The following UPF3A variants were observed in gnomAD, a reference collection of about 807,000 sequenced individuals.
The protein encoded by UPF3A is UPF3A regulator of nonsense mediated mRNA decay, also known as regulator of nonsense transcripts 3A.
A neutral mutation model predicts 53.5 loss-of-function variants in UPF3A; 42 were observed. The ratio of observed to expected loss-of-function variants is 0.78; its 90% CI spans 0.61 to 1.01. The LOEUF is 1.01. Ranked by LOEUF, UPF3A falls within the 50% of genes least tolerant of loss-of-function variation. UPF3A has a pLI of 0.00. For synonymous variants in UPF3A, 237 were observed against 225.3 expected, an observed-to-expected ratio of 1.05 and a Z score of -0.47; for missense variants, 575 against 598.0, an observed-to-expected ratio of 0.96 and a Z score of 0.40.
chr13:114,294,284 T>C (rs1456472846), intron 7 of UPF3A, among the ~76,000 whole-genome samples: 1 of 123,400 alleles, frequency 8.1e-6, no homozygotes, highest in Non-Finnish European at 1.6e-5. Context: ...GGGGGGGGGG[T>C]TTGAGACAGG....
At chr13:114,300,255 T>G (rs993103857) in intron 8 of UPF3A, among the ~76,000 whole-genome samples, 50 of 152,384 alleles carry the variant, frequency 3.3e-4, no homozygotes, top group Admixed American at 3.3e-3. Context: ...AATTTTACTC[T>G]GCACATCATG....
At chr13:114,302,992 C>T (rs550540509) in intron 9 of UPF3A, among the ~76,000 whole-genome samples, 14 of 152,232 alleles carry the variant, frequency 9.2e-5, no homozygotes, top group African/African-American at 3.4e-4. Context: ...CCCAGCTACT[C>T]AGGAGGCTGA....
chr13:114,304,644 T>C, intron 9 of UPF3A, 145 bp from the exon 10 acceptor site: 1 of 1,086,194 alleles, frequency 9.2e-7, no homozygotes, highest in South Asian at 1.5e-5. Flanking sequence ...TCTGAGATAG[T>C]GCTGTGAAAA....
intron 7 of UPF3A, among the ~76,000 whole-genome samples, chr13:114,296,796 G>A (rs1361729008): frequency 5.3e-5 from 8 of 152,194 alleles, no homozygotes; most frequent in Admixed American, 5.2e-4. Flanking sequence ...CACGCAGCTG[G>A]TGTCGGAGGG....
rs900325394 is a variant in UPF3A at position 114,305,632 on chromosome 13, G to C, written c.*715G>C. 1.3e-5 allele frequency: 2 copies of C among 152,832 alleles called. No homozygotes were observed. The highest frequency in any genetic ancestry group is 4.8e-5 in the African/African-American group (2 of 41,440). 9.5% of individuals were successfully genotyped at this position (152,832 alleles called of 1,614,324 possible). The stretch of plus-strand genomic sequence containing the variant: ...ATTTTGTTCGGGAAGGGATAAACTA[G>C]ATATAGCATACAGAGCCTGTTTTTG... On this transcript the variant is annotated 3_prime_UTR_variant, in exon 10 of 10. Transcript: ENST00000375299.
chr13:114,298,966 C>A lies in UPF3A; in HGVS notation c.973C>A (p.Pro325Thr), dbSNP rs377378655. Residue 325 changes from proline (P) to threonine (T), a missense_variant, in exon 8 of 10, where the codon CCC becomes ACC. Physicochemically the swap from Pro to Thr is conservative, Grantham distance 38 (BLOSUM62 -1). Coordinates refer to ENST00000375299, the MANE Select transcript of UPF3A (RefSeq NM_023011.4). The stretch of plus-strand genomic sequence containing the variant: ...CCCCGGTGCAGTCGTAAAAGCCAGG[C>A]CCATGGAAGGCTCGCTGGAGGAGCC... ...CAPGAVVKAR[P>T]MEGSLEEPQE... is the part of the protein sequence containing the mutation. 5 of 1,607,186 alleles carry A rather than the reference C, an allele frequency of 3.1e-6. No individual in the cohort carries two copies. The African/African-American group carries it at 6.7e-5, about 22-fold the overall frequency.
At chr13:114,286,177 A>C in intron 3 of UPF3A, 125 bp from the exon 4 acceptor site, 2 of 1,161,232 alleles carry the variant, frequency 1.7e-6, no homozygotes, top group South Asian at 1.7e-5. Context: ...GATGAATTAT[A>C]GTTTAAATAG....
chr13:114,282,281 C>T, intron 2 of UPF3A, 154 bp downstream of exon 2: 2 of 819,490 alleles, frequency 2.4e-6, no homozygotes, highest in Non-Finnish European at 3.7e-6. Context: ...CGTGTCCGTT[C>T]CGTCAAAGAA....
At chr13:114,296,984 T>A (rs916191586) in intron 7 of UPF3A, among the ~76,000 whole-genome samples, 1 of 152,204 alleles carries the variant, frequency 6.6e-6, no homozygotes, top group Non-Finnish European at 1.5e-5. Context: ...AATGTTTAAG[T>A]TCCCAGATTC....
At chr13:114,282,210 A>T in intron 2 of UPF3A, 83 bp downstream of exon 2, 7 of 1,201,592 alleles carry the variant, frequency 5.8e-6, no homozygotes, top group Middle Eastern at 3.9e-4. Flanking sequence ...TACGTTCCTT[A>T]CCCTGATTTC....
At chr13:114,296,104 G>A (rs2085967053) in intron 7 of UPF3A, among the ~76,000 whole-genome samples, 1 of 152,238 alleles carries the variant, frequency 6.6e-6, no homozygotes, top group Admixed American at 6.5e-5. Context: ...GCTTCCAGGG[G>A]CCAGGCACAG....
chr13:114,298,812 A>T (rs377221810), intron 7 of UPF3A, 28 bp from the exon 8 acceptor site: 8 of 1,512,972 alleles, frequency 5.3e-6, no homozygotes, highest in Non-Finnish European at 7.1e-6. Flanking sequence ...TCTCAAGGTG[A>T]TACTTTACTA....
intron 6 of UPF3A, 39 bp from the exon 7 acceptor site, chr13:114,291,595 A>G: frequency 6.2e-7 from 1 of 1,604,266 alleles, no homozygotes; most frequent in Non-Finnish European, 8.5e-7. Context: ...TGCCATTCTC[A>G]TCCAGGCAGT....
chr13:114,291,316 C>T (rs747266139), intron 5 of UPF3A, among the ~76,000 whole-genome samples, 173 bp from the exon 6 acceptor site: 2 of 152,084 alleles, frequency 1.3e-5, no homozygotes, highest in African/African-American at 2.4e-5. Context: ...TTGATACTTT[C>T]AAATTACTTG....
chr13:114,286,624 T>C lies in UPF3A; in HGVS notation c.626T>C (p.Leu209Pro). 1 of 1,611,630 alleles carries C rather than the reference T, an allele frequency of 6.2e-7. No individual in the cohort carries two copies. Among genetic ancestry groups the C allele is most frequent in the Non-Finnish European group, 8.5e-7 (1 of 1,179,014 alleles). Residue 209 changes from leucine to proline, a missense_variant, in exon 5 of 10, where the codon CTC (leucine) becomes CCC (proline). Transcript: ENST00000375299. ...LGEMEAKTRE[L>P]IARRTTPLLE... ...GAGATGGAGGCGAAGACAAGAGAGC[T>C]CATTGGTCTGTTTTGCTCATTTCTT...
chr13:114,282,578 C>T, intron 2 of UPF3A: 3 of 985,476 alleles, frequency 3.0e-6, no homozygotes, highest in Non-Finnish European at 3.6e-6. Flanking sequence ...TGGGAGTGCG[C>T]CCTGGCCTTG....
intron 7 of UPF3A, among the ~76,000 whole-genome samples, chr13:114,296,286 G>C (rs2086005143): frequency 6.6e-6 from 1 of 152,310 alleles, no homozygotes; most frequent in Admixed American, 6.5e-5. Context: ...AGGAGGCTGA[G>C]GCAGAAGAAT....
intron 7 of UPF3A, among the ~76,000 whole-genome samples, chr13:114,297,644 C>T (rs536492589): frequency 2.0e-5 from 3 of 152,068 alleles, no homozygotes; most frequent in Admixed American, 2.0e-4. Context: ...GCCTGGCCAA[C>T]ATGATGAAAT....
chr13:114,287,938 C>G lies in UPF3A; in HGVS notation c.631+1309C>G, dbSNP rs188906249. On this transcript the variant is annotated intron_variant, in intron 5 of 9. Coordinates refer to ENST00000375299, the MANE Select transcript of UPF3A (RefSeq NM_023011.4). ...TCTTCTGCCTCAGCCTCCTGAGTAG[C>G]TGGGATTACAGGCACCCGCCATCAT... Among the ~76,000 whole-genome samples the G allele has an allele frequency of 2.0e-4, 31 of 152,248 alleles. No homozygotes were observed. In the East Asian group the frequency reaches 5.6e-3, roughly 28 times the overall value.
Sources: gnomAD v4.1 joint callset for allele counts (sites outside exome capture counted in the v4.1 genomes callset) on GRCh38, gnomAD v4.1.1 for gene constraint, MANE v1.5 for transcripts, NCBI Gene and HGNC (gene_info 2026-07-23, HGNC 2026-07-21) for gene names.